A2M: variants seen among roughly 807,000 people sequenced by gnomAD.
A2M encodes C3 and PZP-like alpha-2-macroglobulin domain-containing protein 5.
A2M carries 128 observed loss-of-function variants against 183.9 expected under a neutral mutation model. The observed-to-expected ratio is 0.70, with a 90% CI of 0.60 to 0.81. A2M has a LOEUF of 0.81. Ranked by LOEUF, A2M falls within the 30% of genes least tolerant of loss-of-function variation. The pLI is 0.00. For synonymous variants in A2M, 592 were observed against 670.8 expected (o/e 0.88, Z 1.81); for missense variants, 1,495 against 1,787.6 (o/e 0.84, Z 2.95).
At position 9,068,817 on chromosome 12, in the gene A2M, A is replaced by G; in HGVS notation, c.4289T>C (p.Phe1430Ser). 6.2e-7 allele frequency: 1 copy of G among 1,605,930 alleles called. No homozygotes were observed. Among genetic ancestry groups the G allele is most frequent in the Non-Finnish European group, 8.5e-7 (1 of 1,176,378 alleles). Reference protein sequence around the residue: ...DKVSNQTLSLFFTVLQDVPVR... With the variant: ...DKVSNQTLSLSFTVLQDVPVR... ...TGGGACATCTTGCAGAACCGTGAAG[A>G]ACAAGCTCAGTGTCTGATTTGACAC... The change falls in exon 34 of 36, where the codon TTC becomes TCC. Residue 1430 changes from phenylalanine (F) to serine (S), a missense_variant. Phe to Ser is a radical substitution (Grantham distance 155). Coordinates refer to ENST00000318602, the MANE Select transcript of A2M (RefSeq NM_000014.6).
At position 9,070,640 on chromosome 12, in the gene A2M, A is replaced by G. The variant is rs911433229; in HGVS notation, c.4104-62T>C. On this transcript the variant is annotated intron_variant, in intron 31 of 35. Coordinates refer to ENST00000318602, the MANE Select transcript of A2M (RefSeq NM_000014.6). ...GTGTTTTTAAATATTTTCTTCTTCTATGTCCATGTTAAGCATTCCACAGCT... is the reference window on the plus strand; with the variant it reads ...GTGTTTTTAAATATTTTCTTCTTCTGTGTCCATGTTAAGCATTCCACAGCT... 10 of 1,176,772 alleles carry G rather than the reference A, an allele frequency of 8.5e-6. No individual in the cohort carries two copies. The East Asian group carries it at 1.5e-4, about 17-fold the overall frequency. 72.9% of individuals were successfully genotyped at this position (1,176,772 alleles called of 1,614,324 possible). A position where few individuals can be genotyped will look rare whatever the true frequency, so the allele number is the denominator to read the frequency against.
chr12:9,105,604 T>A (rs1266225238), intron 10 of A2M, among the ~76,000 whole-genome samples: 1 of 152,170 alleles, frequency 6.6e-6, no homozygotes, highest in Non-Finnish European at 1.5e-5. Flanking sequence ...CATTTGCACA[T>A]CTGCTGACAA....
chr12:9,067,881 C>T (rs773137972), intron 35 of A2M, 42 bp from the exon 36 acceptor site: 6 of 1,589,422 alleles, frequency 3.8e-6, no homozygotes, highest in Admixed American at 1.7e-5. Flanking sequence ...AGATTTGGGT[C>T]TCCATGAGCA....
Position 9,106,563 on chromosome 12 carries a change from C to A in A2M, c.922G>T (p.Val308Phe). 6.3e-7 allele frequency: 1 copy of A among 1,593,626 alleles called. No individual in the cohort carries two copies. Among genetic ancestry groups the A allele is most frequent in the Non-Finnish European group, 8.6e-7 (1 of 1,168,354 alleles). ...GCFYQQVKTK[V>F]FQLKRKEYEM... Reference sequence around the variant, plus strand: ...TACTCCTTCCTCTTCAGCTGGAAGACCTTGGTTTTTACTTGCTGATAGAAG... The same window carrying A: ...TACTCCTTCCTCTTCAGCTGGAAGAACTTGGTTTTTACTTGCTGATAGAAG... Residue 308 changes from valine (V) to phenylalanine (F), a missense_variant, in exon 9 of 36, where the codon GTC becomes TTC. Physicochemically the swap from Val to Phe is conservative, Grantham distance 50. Coordinates refer to ENST00000318602, the MANE Select transcript of A2M (RefSeq NM_000014.6).
chr12:9,072,956 G>T (rs1948624863), intron 29 of A2M, 85 bp from the exon 30 acceptor site: 2 of 1,060,722 alleles, frequency 1.9e-6, no homozygotes, highest in Non-Finnish European at 2.7e-6. Context: ...CCATGTGAGG[G>T]ACTTTGATTT....
chr12:9,094,217 TAAAG>T (rs961277142), intron 17 of A2M, among the ~76,000 whole-genome samples: 1 of 151,826 alleles, frequency 6.6e-6, no homozygotes, highest in Non-Finnish European at 1.5e-5. Flanking sequence ...TTAATAATAA[TAAAG>T]ACTTTTTATT....
intron 27 of A2M, 74 bp downstream of exon 27, chr12:9,077,272 T>C (rs1948774434): frequency 7.5e-7 from 1 of 1,327,670 alleles, no homozygotes; most frequent in Non-Finnish European, 1.1e-6. Flanking sequence ...AATAGGATAG[T>C]ATTTCAGACA....
At chr12:9,092,204 G>A (rs1014941176) in intron 18 of A2M, among the ~76,000 whole-genome samples, 1 of 152,086 alleles carries the variant, frequency 6.6e-6, no homozygotes. Flanking sequence ...CTCGCCCCAC[G>A]GATAAAACCA....
chr12:9,106,816 A>C (rs528916943), intron 8 of A2M, among the ~76,000 whole-genome samples: 1 of 152,316 alleles, frequency 6.6e-6, no homozygotes, highest in South Asian at 2.1e-4. Flanking sequence ...TGGTATCTGA[A>C]ATTCCCTAGA....
chr12:9,113,266 T>TA, intron 2 of A2M, 94 bp downstream of exon 2: 1 of 1,388,862 alleles, frequency 7.2e-7, no homozygotes. Context: ...CTGCAGTTCT[T>TA]ACCAACCTCC....
Position 9,077,428 on chromosome 12 carries a change from T to C in A2M, c.3277-8A>G. 1 of 1,610,442 alleles carries C rather than the reference T, an allele frequency of 6.2e-7. No individual in the cohort carries two copies. The highest frequency in any genetic ancestry group is 8.5e-7 in the Non-Finnish European group (1 of 1,177,520). On this transcript the variant is annotated splice_polypyrimidine_tract_variant and splice_region_variant and intron_variant, in intron 26 of 35. Coordinates refer to ENST00000318602, the MANE Select transcript of A2M (RefSeq NM_000014.6). ...TTCATCTTCTACTCCTCCCTGTGAA[T>C]ACGAGAGAGAGATCTGAATAATTCA... is the stretch of plus-strand genomic sequence containing the variant.
chr12:9,071,009 G>A (rs1036252957), intron 31 of A2M, among the ~76,000 whole-genome samples: 7 of 151,918 alleles, frequency 4.6e-5, no homozygotes, highest in African/African-American at 1.2e-4. Context: ...TAGTACAGAC[G>A]GGGTTTCTCC....
intron 32 of A2M, 61 bp downstream of exon 32, chr12:9,070,427 A>T: frequency 1.8e-6 from 2 of 1,116,782 alleles, no homozygotes; most frequent in Non-Finnish European, 2.7e-6. Flanking sequence ...GTATTGTCTT[A>T]TGCTGGGGAT....
chr12:9,087,249 G>A (rs1162761718), intron 22 of A2M, among the ~76,000 whole-genome samples: 2 of 136,752 alleles, frequency 1.5e-5, no homozygotes, highest in African/African-American at 2.8e-5. Context: ...CTGATGTCTA[G>A]TTATGGAATC....
Position 9,109,917 on chromosome 12 carries a change from T to C in A2M, c.623A>G (p.Gln208Arg), listed in dbSNP as rs1938594590. The C allele has an allele frequency of 1.9e-6, 3 of 1,613,706 alleles. 1 individual carries two copies. The East Asian group carries it at 6.7e-5, about 36-fold the overall frequency. Reference protein sequence around the residue: ...PFQGSYKVVVQKKSGGRTEHP... With the variant: ...PFQGSYKVVVRKKSGGRTEHP... ...CTCTGTCCTTCCACCTGATTTCTTC[T>C]GTACCACCACCTTGTAGGAGCCCTG... The change falls in exon 6 of 36, where the codon CAG (glutamine) becomes CGG (arginine). Residue 208 changes from glutamine to arginine, a missense_variant. By Grantham distance (43) the Gln-to-Arg change is conservative. Coordinates refer to ENST00000318602, the MANE Select transcript of A2M (RefSeq NM_000014.6).
chr12:9,086,679 A>T (rs919000644), intron 22 of A2M, among the ~76,000 whole-genome samples: 2 of 152,246 alleles, frequency 1.3e-5, no homozygotes, highest in Non-Finnish European at 2.9e-5. Flanking sequence ...CCTATAGCTT[A>T]CATATTTAAC....
intron 15 of A2M, among the ~76,000 whole-genome samples, chr12:9,096,844 A>T (rs1196768134): frequency 6.6e-6 from 1 of 152,170 alleles, no homozygotes; most frequent in Admixed American, 6.5e-5. Flanking sequence ...CATGAGACAT[A>T]CATTTTTATC....
At chr12:9,090,769 T>G (rs1041774619) in intron 19 of A2M, among the ~76,000 whole-genome samples, 2 of 152,212 alleles carry the variant, frequency 1.3e-5, no homozygotes, top group East Asian at 3.9e-4. Context: ...TCTGGAACTT[T>G]GACCATTCCC....
chr12:9,111,559 G>A (rs1358592528), intron 4 of A2M: 3 of 456,346 alleles, frequency 6.6e-6, no homozygotes, highest in African/African-American at 2.0e-5. Context: ...TGAAGTGGAT[G>A]TGGGTATGAG....
Sources: gnomAD v4.1 joint callset for allele counts (sites outside exome capture counted in the v4.1 genomes callset) on GRCh38, gnomAD v4.1.1 for gene constraint, MANE v1.5 for transcripts, NCBI Gene and HGNC (gene_info 2026-07-23, HGNC 2026-07-21) for gene names.